SCIN: variants seen among roughly 807,000 people sequenced by gnomAD.
The protein encoded by SCIN is adseverin.
Under a neutral mutation model 91.8 loss-of-function variants are expected in SCIN, and 91 were observed. The observed-to-expected ratio is 0.99, with a 90% confidence interval of 0.84 to 1.18. The LOEUF is 1.18. Ranked by LOEUF, SCIN falls within the 50% of genes most tolerant of loss-of-function variation. The pLI, the probability that SCIN is intolerant of heterozygous loss-of-function variation, is 0.00. For synonymous variants in SCIN, 367 were observed against 312.6 expected, an observed-to-expected ratio of 1.17 and a Z score of -1.84; for missense variants, 1,087 against 863.9, an observed-to-expected ratio of 1.26 and a Z score of -3.24.
chr7:12,643,965 C>T (rs539931205), intron 11 of SCIN, among the ~76,000 whole-genome samples, 173 bp from the exon 12 acceptor site: 21 of 152,122 alleles, frequency 1.4e-4, no homozygotes, highest in African/African-American at 2.4e-5. Flanking sequence ...CCGAAGTGCT[C>T]CTACTCTAGG....
chr7:12,607,866 A>G (rs896482720), intron 4 of SCIN, among the ~76,000 whole-genome samples: 11 of 152,214 alleles, frequency 7.2e-5, no homozygotes, highest in African/African-American at 2.2e-4. Context: ...TAGTGTTGTA[A>G]TGATAAGGAT....
At chr7:12,598,096 T>G (rs1782879293) in intron 3 of SCIN, among the ~76,000 whole-genome samples, 1 of 152,236 alleles carries the variant, frequency 6.6e-6, no homozygotes, top group African/African-American at 2.4e-5. Flanking sequence ...TCTAGCATAC[T>G]TAAATCAAGT....
At chr7:12,626,852 G>C (rs924180243) in intron 8 of SCIN, 53 bp downstream of exon 8, 15 of 1,434,580 alleles carry the variant, frequency 1.0e-5, no homozygotes, top group Non-Finnish European at 1.4e-5. Flanking sequence ...TGTATGTAGG[G>C]GGAGGGTGGG....
intron 2 of SCIN, among the ~76,000 whole-genome samples, chr7:12,579,253 A>G (rs926130013): frequency 3.3e-5 from 5 of 152,168 alleles, no homozygotes; most frequent in African/African-American, 7.2e-5. Flanking sequence ...TGAGATCAGA[A>G]CAAAACACTT....
intron 8 of SCIN, 53 bp downstream of exon 8, chr7:12,626,852 G>T: frequency 3.5e-6 from 5 of 1,434,700 alleles, no homozygotes; most frequent in Non-Finnish European, 3.8e-6. Flanking sequence ...TGTATGTAGG[G>T]GGAGGGTGGG....
chr7:12,582,097 T>C (rs932448789), intron 3 of SCIN, among the ~76,000 whole-genome samples: 1 of 152,234 alleles, frequency 6.6e-6, no homozygotes, highest in Admixed American at 6.5e-5. Flanking sequence ...AACGGAGTCA[T>C]GAGCTGACCT....
chr7:12,640,896 C>T (rs958821240), intron 11 of SCIN, among the ~76,000 whole-genome samples: 1 of 152,098 alleles, frequency 6.6e-6, no homozygotes, highest in Non-Finnish European at 1.5e-5. Flanking sequence ...CCTCGTTTGC[C>T]CAAGTGTAAC....
chr7:12,651,907 C>A lies in SCIN; in HGVS notation c.2020+6C>A. 6.3e-7 allele frequency: 1 copy of A among 1,596,404 alleles called. No homozygotes were observed. Among genetic ancestry groups the A allele is most frequent in the African/African-American group, 1.3e-5 (1 of 74,744 alleles). On this transcript the variant is annotated splice_donor_region_variant and intron_variant, in intron 15 of 15. Coordinates refer to ENST00000297029, the MANE Select transcript of SCIN (RefSeq NM_001112706.3). This position sits in a 1 kb window ranked among gnomAD's most constrained non-coding sequence, Gnocchi z 5.9. The stretch of plus-strand genomic sequence containing the variant: ...AAAAGAATCTCTGAAGTCTGGTAAG[C>A]TCAATCGATGGACCATTATAGCAGT...
At chr7:12,613,036 G>T (rs2115260537) in intron 4 of SCIN, among the ~76,000 whole-genome samples, 1 of 152,244 alleles carries the variant, frequency 6.6e-6, no homozygotes, top group African/African-American at 2.4e-5. Flanking sequence ...ATAGGATAAT[G>T]CAGTTCCAAG....
Position 12,570,829 on chromosome 7 carries a change from A to G in SCIN, c.43A>G (p.Lys15Glu), listed in dbSNP as rs778699419. ...CCACGAAGAGTTCGCCCGGGCGGGC[A>G]AGCAGGCGGGGCTGCAGGTCTGGAG... ...LYHEEFARAG[K>E]QAGLQVWRIE... The change falls in exon 1 of 16, where the codon AAG becomes GAG. Residue 15 changes from lysine (K) to glutamate (E), a missense_variant. Coordinates refer to ENST00000297029, the MANE Select transcript of SCIN (RefSeq NM_001112706.3). 5.8e-6 allele frequency: 9 copies of G among 1,551,576 alleles called. 1 individual carries two copies. The South Asian group carries it at 9.5e-5, about 16-fold the overall frequency.
chr7:12,627,723 C>T (rs764259491), intron 8 of SCIN, among the ~76,000 whole-genome samples: 11 of 152,232 alleles, frequency 7.2e-5, no homozygotes, highest in Non-Finnish European at 1.3e-4. Context: ...GGGGTATTGA[C>T]TTCTGGGTCT....
At chr7:12,574,819 C>T (rs1782337454) in intron 1 of SCIN, among the ~76,000 whole-genome samples, 1 of 152,038 alleles carries the variant, frequency 6.6e-6, no homozygotes, top group Admixed American at 6.6e-5. Context: ...TTAGCTATTC[C>T]AGGGCCTGCG....
chr7:12,614,731 C>A (rs1352487608), intron 4 of SCIN, among the ~76,000 whole-genome samples: 1 of 152,162 alleles, frequency 6.6e-6, no homozygotes, highest in Non-Finnish European at 1.5e-5. Context: ...TTCTTAATGT[C>A]CCAGAACCTG....
chr7:12,638,479 G>A (rs1783796723), intron 10 of SCIN, among the ~76,000 whole-genome samples: 1 of 152,184 alleles, frequency 6.6e-6, no homozygotes, highest in African/African-American at 2.4e-5. Flanking sequence ...TGATACAGCA[G>A]CATTAAACAC....
intron 3 of SCIN, among the ~76,000 whole-genome samples, chr7:12,590,355 G>A (rs148133586): frequency 0.012 from 1,776 of 152,200 alleles, 23 homozygotes; most frequent in African/African-American, 0.03. Flanking sequence ...GGAGAGTGGA[G>A]GGCCCCTTGG....
intron 3 of SCIN, among the ~76,000 whole-genome samples, chr7:12,585,268 C>A (rs1213158077): frequency 6.6e-6 from 1 of 152,124 alleles, no homozygotes; most frequent in African/African-American, 2.4e-5. Flanking sequence ...TGTGTTGCAA[C>A]CCACACTTTT....
intron 4 of SCIN, among the ~76,000 whole-genome samples, chr7:12,619,684 A>C (rs1362233375): frequency 6.6e-6 from 1 of 152,134 alleles, no homozygotes; most frequent in African/African-American, 2.4e-5. Flanking sequence ...CGAGTATGTC[A>C]GCCTGATTAG....
chr7:12,578,425 A>G (rs1313339303), intron 2 of SCIN, among the ~76,000 whole-genome samples: 1 of 152,222 alleles, frequency 6.6e-6, no homozygotes, highest in African/African-American at 2.4e-5. Context: ...TGTGTGGTAC[A>G]ATATGTGAAA....
chr7:12,593,502 TA>T (rs1782771261), intron 3 of SCIN, among the ~76,000 whole-genome samples: 1 of 152,006 alleles, frequency 6.6e-6, no homozygotes, highest in Admixed American at 6.6e-5. Context: ...CCCTAAAACT[TA>T]AAGTATAATA....
Sources: gnomAD v4.1 joint callset for allele counts (sites outside exome capture counted in the v4.1 genomes callset) on GRCh38, gnomAD v4.1.1 for gene constraint, Gnocchi (gnomAD v3.1) non-coding constraint, MANE v1.5 for transcripts, NCBI Gene and HGNC (gene_info 2026-07-23, HGNC 2026-07-21) for gene names.